Variants in HDAC9 observed in about 807,000 individuals in gnomAD.
HDAC9 encodes MEF-2 interacting transcription repressor (MITR) protein.
Under a neutral mutation model 139.4 loss-of-function variants are expected in HDAC9, and 41 were observed. The observed-to-expected ratio is 0.29, with a 90% confidence interval of 0.23 to 0.38. The LOEUF (loss-of-function observed/expected upper bound fraction) is 0.38. Among genes scored for constraint, HDAC9 ranks in the 10% least tolerant of loss-of-function variants. The probability of loss-of-function intolerance (pLI) is 1.00; values close to 1 mark genes in which losing one functional copy is unlikely to be tolerated. For synonymous variants in HDAC9, 517 were observed against 476.2 expected, an observed-to-expected ratio of 1.09 and a Z score of -1.12; for missense variants, 1,147 against 1,297.0, an observed-to-expected ratio of 0.88 and a Z score of 1.78.
chr7:18,449,840 T>G (rs1792650812), intron 1 of HDAC9, among the ~76,000 whole-genome samples: 2 of 152,170 alleles, frequency 1.3e-5, no homozygotes, highest in South Asian at 4.1e-4. Flanking sequence ...CTGTTTGCAG[T>G]ATCTCAGATA....
chr7:19,000,082 C>T lies in HDAC9; in HGVS notation c.*4020C>T, dbSNP rs996140857. ...TGTTGAACTATTTTCATAAAGATGGCGTTTTCACTTTCAAAAGAAATGAAA... is the reference window on the plus strand; with the variant it reads ...TGTTGAACTATTTTCATAAAGATGGTGTTTTCACTTTCAAAAGAAATGAAA... On this transcript the variant is annotated 3_prime_UTR_variant, in exon 26 of 26. Transcript: ENST00000686413. 1 of 152,134 alleles carries T rather than the reference C, an allele frequency of 6.6e-6. No individual in the cohort carries two copies. Among genetic ancestry groups the T allele is most frequent in the Non-Finnish European group, 1.5e-5 (1 of 68,024 alleles). 9.4% of individuals were successfully genotyped at this position (152,134 alleles called of 1,614,324 possible).
chr7:18,877,934 T>C (rs1799442892), intron 22 of HDAC9, among the ~76,000 whole-genome samples: 2 of 152,170 alleles, frequency 1.3e-5, no homozygotes, highest in African/African-American at 4.8e-5. Context: ...ACTTACTTAG[T>C]ATCAGTGCTG....
chr7:18,694,312 GTGT>G (rs1455764761), intron 12 of HDAC9, among the ~76,000 whole-genome samples: 1 of 152,186 alleles, frequency 6.6e-6, no homozygotes, highest in African/African-American at 2.4e-5. Flanking sequence ...TCTAATGAAT[GTGT>G]TGATTTCTTC....
intron 1 of HDAC9, among the ~76,000 whole-genome samples, chr7:18,139,974 A>G (rs1313219120): frequency 6.6e-6 from 1 of 152,176 alleles, no homozygotes; most frequent in Non-Finnish European, 1.5e-5. Flanking sequence ...CAGAACTGTG[A>G]GAGCATACAT....
chr7:18,426,375 G>A (rs999052408), intron 1 of HDAC9, among the ~76,000 whole-genome samples: 1 of 152,162 alleles, frequency 6.6e-6, no homozygotes, highest in Non-Finnish European at 1.5e-5. Flanking sequence ...AATCTTAGAA[G>A]CAAAGAACCT....
intron 1 of HDAC9, among the ~76,000 whole-genome samples, chr7:18,432,621 T>G (rs1425473639): frequency 6.6e-6 from 1 of 152,180 alleles, no homozygotes; most frequent in Admixed American, 6.5e-5. Context: ...TGAACACTGT[T>G]GAAAATTTGA....
chr7:18,749,821 G>A (rs1024346966), intron 14 of HDAC9, among the ~76,000 whole-genome samples: 14 of 152,200 alleles, frequency 9.2e-5, no homozygotes, highest in African/African-American at 3.1e-4. Flanking sequence ...TGCTATAAAT[G>A]TCCATTGTTG....
At chr7:18,161,319 A>G (rs1787613008) in intron 1 of HDAC9, among the ~76,000 whole-genome samples, 1 of 152,204 alleles carries the variant, frequency 6.6e-6, no homozygotes, top group Non-Finnish European at 1.5e-5. Context: ...TGGGGCAAAA[A>G]TAGCAATAAC....
At chr7:18,128,882 A>G in intron 1 of HDAC9, among the ~76,000 whole-genome samples, 1 of 149,206 alleles carries the variant, frequency 6.7e-6, no homozygotes, top group East Asian at 2.0e-4. Flanking sequence ...CTCATTGCTC[A>G]TTTTTTTCCT....
intron 1 of HDAC9, among the ~76,000 whole-genome samples, chr7:18,447,051 T>G (rs749596606): frequency 6.6e-6 from 1 of 152,190 alleles, no homozygotes; most frequent in Non-Finnish European, 1.5e-5. Flanking sequence ...AATTCCCATC[T>G]TGATAGATTC....
rs183373007 is a variant in HDAC9, at chr7:18,806,519, C to T, written c.2322+13067C>T. ...ATATGGCATGGAATCCTCATGTTGT[C>T]ATTTTTCTAACCCTTTCTGTCATTA... On this transcript the variant is annotated intron_variant, in intron 17 of 25. Transcript: ENST00000686413. Among the ~76,000 whole-genome samples, 7 of 152,264 alleles carry T rather than the reference C, an allele frequency of 4.6e-5. No homozygotes were observed. The East Asian group carries it at 1.4e-3, about 29-fold the overall frequency.
intron 22 of HDAC9, among the ~76,000 whole-genome samples, chr7:18,879,163 C>T (rs945694045): frequency 6.6e-6 from 1 of 152,022 alleles, no homozygotes; most frequent in African/African-American, 2.4e-5. Context: ...TCAGAGGAAA[C>T]ATAAACAAAT....
At chr7:18,551,465 A>G (rs1393596463) in intron 2 of HDAC9, among the ~76,000 whole-genome samples, 1 of 152,238 alleles carries the variant, frequency 6.6e-6, no homozygotes, top group African/African-American at 2.4e-5. Context: ...ACCAGAGTTA[A>G]GAAGTCAGGG....
Position 18,176,249 on chromosome 7 carries a change from G to T in HDAC9, c.25+13900G>T, listed in dbSNP as rs1454430075. On this transcript the variant is annotated intron_variant, in intron 2 of 12. Transcript: ENST00000417496. ...GAAAGCCTGCTTGATTTCCTTCCCT[G>T]TGTTTTTCTGGTCTTGAGATCTCCA... 2.6e-5 allele frequency among the ~76,000 whole-genome samples: 4 copies of T among 152,118 alleles called. No homozygotes were observed. The East Asian group carries it at 5.8e-4, about 22-fold the overall frequency.
intron 21 of HDAC9, among the ~76,000 whole-genome samples, chr7:18,870,627 A>T (rs995806214): frequency 2.0e-5 from 3 of 152,124 alleles, no homozygotes; most frequent in Non-Finnish European, 2.9e-5. Flanking sequence ...AAATATAATG[A>T]TTGACAGCAA....
intron 6 of HDAC9, among the ~76,000 whole-genome samples, chr7:18,622,581 C>T (rs1840504764): frequency 6.6e-6 from 1 of 151,992 alleles, no homozygotes; most frequent in Non-Finnish European, 1.5e-5. Context: ...CTTGGCCTCC[C>T]AGAGTGCTGG....
intron 2 of HDAC9, among the ~76,000 whole-genome samples, chr7:18,570,143 C>T (rs1006272860): frequency 2.6e-5 from 4 of 151,702 alleles, no homozygotes; most frequent in African/African-American, 9.7e-5. Flanking sequence ...AGTAGATTCA[C>T]AGATTGGAGA....
At chr7:18,564,240 G>GA (rs113297602) in intron 2 of HDAC9, among the ~76,000 whole-genome samples, 44 of 146,278 alleles carry the variant, frequency 3.0e-4, no homozygotes, top group East Asian at 2.2e-3. Flanking sequence ...CCATACAATT[G>GA]AAAAAAAAAA....
chr7:18,924,563 T>C (rs535248522), intron 22 of HDAC9, among the ~76,000 whole-genome samples: 19 of 152,240 alleles, frequency 1.2e-4, no homozygotes, highest in Admixed American at 2.6e-4. Flanking sequence ...AGGAATGTTT[T>C]TGGCAATGAG....
Sources: allele counts gnomAD v4.1 joint callset (sites outside exome capture counted in the v4.1 genomes callset), GRCh38; gene constraint gnomAD v4.1.1; transcripts MANE v1.5; gene names NCBI Gene and HGNC (gene_info 2026-07-23, HGNC 2026-07-21).